The following SYN3 variants were observed in gnomAD, a reference collection of about 807,000 sequenced individuals.
SYN3 encodes the protein synapsin III, also known as synapsin-3.
A neutral mutation model predicts 65.8 loss-of-function variants in SYN3; 35 were observed. The ratio of observed to expected loss-of-function variants is 0.53; its 90% CI spans 0.41 to 0.70. The LOEUF is 0.70. Ranked by LOEUF, SYN3 falls within the 30% of genes least tolerant of loss-of-function variation. SYN3 has a pLI of 0.00. For missense variants in SYN3, 680 were observed against 749.0 expected (o/e 0.91, Z 1.08); for synonymous variants, 270 against 292.9 (o/e 0.92, Z 0.80).
intron 11 of SYN3, among the ~76,000 whole-genome samples, chr22:32,528,615 C>T (rs74616349): frequency 0.066 from 10,007 of 152,268 alleles, 402 homozygotes; most frequent in Non-Finnish European, 0.1. Context: ...CCCACAGTGC[C>T]CAAAGGCCAT....
At chr22:32,667,414 G>A (rs1057502986) in intron 6 of SYN3, among the ~76,000 whole-genome samples, 4 of 151,858 alleles carry the variant, frequency 2.6e-5, no homozygotes, top group Admixed American at 6.6e-5. Flanking sequence ...CAAATATCTT[G>A]ACATATTTTT....
rs115304589 is a variant in SYN3, at chr22:32,647,971, A to T, written c.712-51235T>A. ...CCAGGCTTATCTTGAACTCCTAGGC[A>T]CAAGTGATCCTCTCACTTCAGTCTC... is the stretch of plus-strand genomic sequence containing the variant. On this transcript the variant is annotated intron_variant, in intron 6 of 13. Transcript: ENST00000358763. Among the ~76,000 whole-genome samples the T allele has an allele frequency of 6.8e-3, 1,036 of 152,116 alleles. 7 individuals carry two copies. Among genetic ancestry groups the T allele is most frequent in the East Asian group, 0.04 (207 of 5,168 alleles).
chr22:32,590,915 A>C (rs188587509), intron 7 of SYN3, among the ~76,000 whole-genome samples: 2 of 152,308 alleles, frequency 1.3e-5, no homozygotes, highest in African/African-American at 4.8e-5. Flanking sequence ...TATCTCCCCT[A>C]CTGACTTAGG....
chr22:32,587,541 C>T (rs929068351), intron 7 of SYN3, among the ~76,000 whole-genome samples: 5 of 152,158 alleles, frequency 3.3e-5, no homozygotes, highest in Non-Finnish European at 4.4e-5. Flanking sequence ...TAACTATTCC[C>T]CTGGGATCCA....
intron 4 of SYN3, among the ~76,000 whole-genome samples, chr22:32,926,151 C>T (rs183210798): frequency 8.5e-5 from 13 of 152,100 alleles, no homozygotes; most frequent in East Asian, 3.9e-4. Context: ...TGTGCCCAGC[C>T]GGGATAGATG....
chr22:32,877,014 C>T (rs1043812203), intron 4 of SYN3, among the ~76,000 whole-genome samples: 1 of 152,236 alleles, frequency 6.6e-6, no homozygotes, highest in African/African-American at 2.4e-5. Flanking sequence ...GTCCCCTGTA[C>T]TTGGCCTTGC....
chr22:33,023,194 G>C (rs150618604), intron 1 of SYN3, among the ~76,000 whole-genome samples: 114 of 152,262 alleles, frequency 7.5e-4, no homozygotes, highest in African/African-American at 2.4e-3. Context: ...ATACGGTTTG[G>C]CTCCGTGTCC....
At chr22:32,833,524 T>C (rs1391539024) in intron 6 of SYN3, among the ~76,000 whole-genome samples, 1 of 152,052 alleles carries the variant, frequency 6.6e-6, no homozygotes, top group East Asian at 1.9e-4. Flanking sequence ...GTAGAAGAAA[T>C]TCAAAGGAGC....
chr22:32,668,778 A>G (rs1197972150), intron 6 of SYN3, among the ~76,000 whole-genome samples: 3 of 152,082 alleles, frequency 2.0e-5, no homozygotes, highest in African/African-American at 7.2e-5. Context: ...TTAGCTTCAC[A>G]TTGTCCCCGT....
At chr22:33,052,449 G>A (rs984118819) in intron 1 of SYN3, among the ~76,000 whole-genome samples, 14 of 152,024 alleles carry the variant, frequency 9.2e-5, no homozygotes, top group Non-Finnish European at 1.9e-4. Context: ...TAGTACTACG[G>A]ACACATGTGC....
intron 6 of SYN3, among the ~76,000 whole-genome samples, chr22:32,692,541 C>A (rs1216203243): frequency 6.6e-6 from 1 of 152,222 alleles, no homozygotes; most frequent in Non-Finnish European, 1.5e-5. Context: ...TCACTGTGGG[C>A]TCCAACCACC....
At chr22:32,589,250 C>T (rs936922089) in intron 7 of SYN3, among the ~76,000 whole-genome samples, 1 of 152,186 alleles carries the variant, frequency 6.6e-6, no homozygotes, top group Non-Finnish European at 1.5e-5. Flanking sequence ...GTGGGGCTTG[C>T]CTGCTCTGCA....
intron 6 of SYN3, among the ~76,000 whole-genome samples, chr22:32,814,137 TGTGTGA>T (rs1408493436): frequency 2.0e-4 from 16 of 80,158 alleles, no homozygotes; most frequent in African/African-American, 2.9e-4. Context: ...TGTGTGTGTG[TGTGTGA>T]GAGAGAGAGA....
At chr22:33,035,829 G>A (rs2053849183) in intron 1 of SYN3, among the ~76,000 whole-genome samples, 2 of 152,136 alleles carry the variant, frequency 1.3e-5, no homozygotes, top group South Asian at 4.2e-4. Context: ...TGATCCTCCT[G>A]CCTTCTGTCT....
intron 6 of SYN3, among the ~76,000 whole-genome samples, chr22:32,800,117 C>T (rs2046527981): frequency 6.6e-6 from 1 of 152,188 alleles, no homozygotes; most frequent in African/African-American, 2.4e-5. Flanking sequence ...CCATCTCTCA[C>T]GAATTCTTCG....
chr22:32,640,638 G>A (rs1053887156), intron 6 of SYN3, among the ~76,000 whole-genome samples: 5 of 152,024 alleles, frequency 3.3e-5, no homozygotes, highest in Admixed American at 6.6e-5. Context: ...TGGCCGAGGT[G>A]GGCGGGTCAC....
rs1038450019 is a variant in SYN3, at chr22:32,899,823, CTT to C, written c.462-30700_462-30699del. 2.3e-3 allele frequency among the ~76,000 whole-genome samples: 3 copies of C among 1,312 alleles called. 1 individual carries two copies. The highest frequency in any genetic ancestry group is 0.016 in the South Asian group (1 of 62). 0.9% of individuals were successfully genotyped at this position (1,312 alleles called of 152,430 possible). A position where few individuals can be genotyped will look rare whatever the true frequency, so the allele number is the denominator to read the frequency against. On this transcript the variant is annotated intron_variant, in intron 4 of 13. Coordinates refer to ENST00000358763, the MANE Select transcript of SYN3 (RefSeq NM_003490.4). ...GTGGCTCACGCCTGTAATCCCAGCACTTTGGGAGGCCGAGGCGGGTGGATCAT... is the reference window on the plus strand; with the variant it reads ...GTGGCTCACGCCTGTAATCCCAGCACTGGGAGGCCGAGGCGGGTGGATCAT...
intron 4 of SYN3, among the ~76,000 whole-genome samples, chr22:32,924,206 A>G (rs2050409221): frequency 1.3e-5 from 2 of 152,172 alleles, no homozygotes; most frequent in Admixed American, 6.5e-5. Flanking sequence ...TATACTCGGT[A>G]ATGGGATTGC....
At chr22:32,828,631 C>T (rs1008248695) in intron 6 of SYN3, among the ~76,000 whole-genome samples, 2 of 152,200 alleles carry the variant, frequency 1.3e-5, no homozygotes, top group Admixed American at 1.3e-4. Context: ...CAGGAAGTGA[C>T]CTGCCTGATG....
Sources: allele counts gnomAD v4.1 joint callset (sites outside exome capture counted in the v4.1 genomes callset), GRCh38; gene constraint gnomAD v4.1.1; transcripts MANE v1.5; gene names NCBI Gene and HGNC (gene_info 2026-07-23, HGNC 2026-07-21).